The following TMEM232 variants were observed in gnomAD, a reference collection of about 807,000 sequenced individuals.
TMEM232 encodes transmembrane protein 232.
Under a neutral mutation model 78.8 loss-of-function variants are expected in TMEM232, and 80 were observed. The ratio of observed to expected loss-of-function variants is 1.01; its 90% confidence interval spans 0.85 to 1.22. TMEM232 has a LOEUF of 1.22. Among genes scored for constraint, TMEM232 ranks in the 50% most tolerant of loss-of-function variants. The pLI is 0.00. For missense variants in TMEM232, 881 were observed against 742.2 expected (o/e 1.19, Z -2.17); for synonymous variants, 297 against 254.3 (o/e 1.17, Z -1.60).
At chr5:110,512,411 G>T (rs1484718589) in intron 12 of TMEM232, among the ~76,000 whole-genome samples, 1 of 152,076 alleles carries the variant, frequency 6.6e-6, no homozygotes, top group Non-Finnish European at 1.5e-5. Context: ...ATGCAGTTGG[G>T]CATGGTTTAT....
chr5:110,547,017 T>C (rs1773861345), intron 11 of TMEM232, among the ~76,000 whole-genome samples: 1 of 152,094 alleles, frequency 6.6e-6, no homozygotes, highest in Non-Finnish European at 1.5e-5. Flanking sequence ...GCTCAAGTTT[T>C]ACTTGTAAAA....
intron 1 of TMEM232, among the ~76,000 whole-genome samples, chr5:110,699,053 AAC>A (rs1795143051): frequency 7.3e-6 from 1 of 136,896 alleles, no homozygotes; most frequent in Non-Finnish European, 1.5e-5. Flanking sequence ...GACAAAAACA[AAC>A]AAAACAAAAC....
At chr5:110,544,886 C>G (rs1442095095) in intron 11 of TMEM232, among the ~76,000 whole-genome samples, 2 of 152,016 alleles carry the variant, frequency 1.3e-5, no homozygotes, top group Non-Finnish European at 2.9e-5. Flanking sequence ...ATCTCAGGCC[C>G]TATCTTTGTC....
chr5:110,616,683 C>A (rs1275194775), intron 8 of TMEM232, among the ~76,000 whole-genome samples: 1 of 151,918 alleles, frequency 6.6e-6, no homozygotes, highest in South Asian at 2.1e-4. Context: ...ATACTAATGG[C>A]CAACAGACAT....
chr5:110,606,255 C>T lies in TMEM232; in HGVS notation c.935G>A (p.Gly312Glu). The T allele has an allele frequency of 6.5e-7, 1 of 1,543,332 alleles. No homozygotes were observed. The highest frequency in any genetic ancestry group is 8.8e-7 in the Non-Finnish European group (1 of 1,141,190). The change falls in exon 9 of 14, where the codon GGG (glycine) becomes GAG (glutamate). Residue 312 changes from glycine (G) to glutamate (E), a missense_variant. By Grantham distance (98) the Gly-to-Glu change is moderately conservative. Coordinates refer to ENST00000455884, the MANE Select transcript of TMEM232 (RefSeq NM_001039763.4). ...GGCCATGTTTAATTTGGCAGCCTCC[C>T]CAAGGACCAGTAAAGCCAGTACTGA... ...LDSVLALLVL[G>E]EAAKLNMACL...
intron 12 of TMEM232, among the ~76,000 whole-genome samples, chr5:110,489,082 A>G (rs1432295257): frequency 6.6e-6 from 1 of 151,956 alleles, no homozygotes. Context: ...TCTCAAAAGC[A>G]AAAGTGCAGC....
intron 11 of TMEM232, among the ~76,000 whole-genome samples, chr5:110,562,634 C>T (rs1019390503): frequency 3.3e-5 from 5 of 151,964 alleles, no homozygotes; most frequent in South Asian, 2.1e-4. Flanking sequence ...TTCTGGAGAA[C>T]GTGCTTTCTG....
At chr5:110,442,074 G>A (rs1235151242) in intron 12 of TMEM232, among the ~76,000 whole-genome samples, 1 of 152,016 alleles carries the variant, frequency 6.6e-6, no homozygotes, top group Non-Finnish European at 1.5e-5. Context: ...TCAGGAGTTT[G>A]TTTATTAAAT....
chr5:110,682,842 G>A (rs1258915343), intron 1 of TMEM232, among the ~76,000 whole-genome samples: 3 of 151,924 alleles, frequency 2.0e-5, no homozygotes, highest in Non-Finnish European at 4.4e-5. Context: ...CACCCCTTCT[G>A]GAATTAAGTG....
At chr5:110,422,519 C>CAA (rs34448955) in intron 13 of TMEM232, among the ~76,000 whole-genome samples, 1,211 of 34,524 alleles carry the variant, frequency 0.035, 152 homozygotes, top group African/African-American at 0.056. Context: ...GACTCTGTCT[C>CAA]AAAAAAAAAA....
chr5:110,663,666 G>T (rs1790111342), intron 2 of TMEM232, among the ~76,000 whole-genome samples: 1 of 135,032 alleles, frequency 7.4e-6, no homozygotes, highest in Non-Finnish European at 1.7e-5. Context: ...AAATTGATCT[G>T]TTAGGTGTTG....
At chr5:110,661,422 C>G (rs1007205451) in intron 2 of TMEM232, among the ~76,000 whole-genome samples, 3 of 152,076 alleles carry the variant, frequency 2.0e-5, no homozygotes, top group Non-Finnish European at 2.9e-5. Flanking sequence ...AGTAACCCCC[C>G]CCACCTCATC....
intron 8 of TMEM232, among the ~76,000 whole-genome samples, chr5:110,606,977 T>C (rs1781617631): frequency 6.6e-6 from 1 of 151,882 alleles, no homozygotes; most frequent in African/African-American, 2.4e-5. Flanking sequence ...GTCATAGCTG[T>C]TTATTGCCTT....
chr5:110,410,924 G>GT (rs747013536), intron 2 of TMEM232, among the ~76,000 whole-genome samples: 1 of 152,094 alleles, frequency 6.6e-6, no homozygotes, highest in African/African-American at 2.4e-5. Context: ...AAGATGATGT[G>GT]TGTAGGTACT....
At chr5:110,450,371 T>G (rs1760135975) in intron 12 of TMEM232, among the ~76,000 whole-genome samples, 1 of 152,026 alleles carries the variant, frequency 6.6e-6, no homozygotes, top group African/African-American at 2.4e-5. Flanking sequence ...GTTTGTTTTC[T>G]TTTCTTTTCA....
At chr5:110,564,243 C>G (rs1021677121) in intron 11 of TMEM232, among the ~76,000 whole-genome samples, 2 of 151,610 alleles carry the variant, frequency 1.3e-5, no homozygotes, top group East Asian at 3.9e-4. Flanking sequence ...TATGTATTTC[C>G]TGATTATAAA....
intron 12 of TMEM232, among the ~76,000 whole-genome samples, chr5:110,432,911 G>T (rs34460001): frequency 2.0e-5 from 3 of 151,454 alleles, no homozygotes; most frequent in African/African-American, 4.8e-5. Flanking sequence ...AATGATAAAG[G>T]GTTCAATTCA....
intron 1 of TMEM232, among the ~76,000 whole-genome samples, chr5:110,673,524 T>C (rs1791632682): frequency 6.6e-6 from 1 of 152,148 alleles, no homozygotes; most frequent in Admixed American, 6.6e-5. Flanking sequence ...GGAAAATTCT[T>C]TGTAATTTTT....
chr5:110,390,583 A>T (rs906771685), exon 4 of TMEM232: 2 of 152,176 alleles, frequency 1.3e-5, no homozygotes, highest in African/African-American at 4.8e-5. Flanking sequence ...GGATCGTATG[A>T]TGGGTGATGA....
Sources: allele counts gnomAD v4.1 joint callset (sites outside exome capture counted in the v4.1 genomes callset), GRCh38; gene constraint gnomAD v4.1.1; transcripts MANE v1.5; gene names NCBI Gene and HGNC (gene_info 2026-07-23, HGNC 2026-07-21).